UGT1A5: variants seen among roughly 807,000 people sequenced by gnomAD.
The protein encoded by UGT1A5 is UDP glucuronosyltransferase family 1 member A5.
UGT1A5 carries 29 observed loss-of-function variants against 40.3 expected under a neutral mutation model. The ratio of observed to expected loss-of-function variants is 0.72; its 90% CI spans 0.54 to 0.98. The LOEUF is 0.98. Among genes scored for constraint, UGT1A5 ranks in the 50% least tolerant of loss-of-function variants. The pLI is 0.00. For synonymous variants in UGT1A5, 257 were observed against 262.5 expected (o/e 0.98, Z 0.20); for missense variants, 678 against 677.9 (o/e 1.00, Z 0.00).
chr2:233,754,698 G>A (rs1338338783), intron 1 of UGT1A5: 2 of 506,588 alleles, frequency 3.9e-6, no homozygotes, highest in African/African-American at 2.0e-5. Context: ...AGTGGAAGTC[G>A]ACATGGACTT....
At chr2:233,747,348 G>C in intron 1 of UGT1A5, 1 of 1,603,426 alleles carries the variant, frequency 6.2e-7, no homozygotes, top group Admixed American at 1.7e-5. Flanking sequence ...TCGCATGCGG[G>C]AGGCCGTGCG....
chr2:233,742,188 G>A (rs1460351470), intron 1 of UGT1A5, among the ~76,000 whole-genome samples: 8 of 151,916 alleles, frequency 5.3e-5, no homozygotes, highest in Non-Finnish European at 8.8e-5. Context: ...AGTGTGGAGT[G>A]GGAAATCAGG....
intron 1 of UGT1A5, chr2:233,743,656 G>T (rs528527073): frequency 7.3e-7 from 1 of 1,367,266 alleles, no homozygotes; most frequent in Admixed American, 1.9e-5. Flanking sequence ...AGACGTACTC[G>T]AAGGGGTCCT....
chr2:233,765,711 TTAA>T (rs10664358), intron 1 of UGT1A5, among the ~76,000 whole-genome samples: 5,413 of 149,254 alleles, frequency 0.036, 331 homozygotes, highest in African/African-American at 0.13. Context: ...ATAATAATAA[TTAA>T]TAATAATAAT....
intron 1 of UGT1A5, among the ~76,000 whole-genome samples, chr2:233,764,945 G>GA (rs2126013513): frequency 6.6e-6 from 1 of 152,312 alleles, no homozygotes; most frequent in Non-Finnish European, 1.5e-5. Context: ...GAGTGGCGGG[G>GA]AGAGAGGGCT....
At chr2:233,749,829 T>G (rs758485445) in intron 1 of UGT1A5, among the ~76,000 whole-genome samples, 2 of 151,956 alleles carry the variant, frequency 1.3e-5, no homozygotes, top group Non-Finnish European at 2.9e-5. Context: ...CTCTCTTTCA[T>G]GTAAGACGTG....
At chr2:233,758,825 CA>C (rs1386415381) in intron 1 of UGT1A5, among the ~76,000 whole-genome samples, 2 of 152,114 alleles carry the variant, frequency 1.3e-5, no homozygotes, top group Non-Finnish European at 2.9e-5. Flanking sequence ...ATATCCCCCC[CA>C]AAAAGAGTGT....
rs45586035 is a variant in UGT1A5, at chr2:233,729,636, G to GT, written c.867+15786dup. 7.6e-4 allele frequency: 1,222 copies of GT among 1,613,576 alleles called. 6 individuals are homozygous for GT. The African/African-American group carries it at 1.0e-2, about 13-fold the overall frequency. On this transcript the variant is annotated intron_variant, in intron 1 of 4. Coordinates refer to ENST00000373414, the MANE Select transcript of UGT1A5 (RefSeq NM_019078.2). ...CTAAGTACCTGTCGATTCCTACTGT[G>GT]TTTTTTTTGAGGAACATTCCATGTG...
At chr2:233,731,784 G>A (rs186887277) in intron 1 of UGT1A5, among the ~76,000 whole-genome samples, 133 of 152,162 alleles carry the variant, frequency 8.7e-4, no homozygotes, top group Non-Finnish European at 1.4e-3. Flanking sequence ...ATTTATAATC[G>A]TTTGGGTATA....
At chr2:233,725,685 C>T (rs2077466808) in intron 1 of UGT1A5, among the ~76,000 whole-genome samples, 2 of 152,008 alleles carry the variant, frequency 1.3e-5, no homozygotes, top group African/African-American at 4.8e-5. Flanking sequence ...TTCAAGTGCT[C>T]AATAGTCATA....
At chr2:233,714,474 A>G (rs2076389157) in intron 1 of UGT1A5, among the ~76,000 whole-genome samples, 1 of 152,148 alleles carries the variant, frequency 6.6e-6, no homozygotes, top group African/African-American at 2.4e-5. Context: ...GTAATAGGAG[A>G]ATGTTTCTTG....
Position 233,729,749 on chromosome 2 carries a change from T to C in UGT1A5, c.867+15891T>C, listed in dbSNP as rs747302247. On this transcript the variant is annotated intron_variant, in intron 1 of 4. Coordinates refer to ENST00000373414, the MANE Select transcript of UGT1A5 (RefSeq NM_019078.2). ...ACCAATTCAGACCACATGACATTCA[T>C]GCAAAGGGTCAAGAACATGCTCTAC... The C allele has an allele frequency of 6.2e-6, 10 of 1,613,882 alleles. No homozygotes were observed. In the Admixed American group the frequency reaches 8.3e-5, roughly 13 times the overall value.
rs750647558 is a variant in UGT1A5 at position 233,719,225 on chromosome 2, G to A, written c.867+5367G>A. On this transcript the variant is annotated intron_variant, in intron 1 of 4. Coordinates refer to ENST00000373414, the MANE Select transcript of UGT1A5 (RefSeq NM_019078.2). ...GTTGTGTGGAGCTACTGCATAATGA[G>A]GCCCTGATCAGGCACCTGAATGCTA... The A allele has an allele frequency of 4.3e-6, 7 of 1,614,052 alleles. No homozygotes were observed. In the South Asian group the frequency reaches 5.5e-5, roughly 13 times the overall value.
intron 1 of UGT1A5, among the ~76,000 whole-genome samples, chr2:233,736,928 C>T (rs1427688264): frequency 1.3e-5 from 2 of 152,158 alleles, no homozygotes; most frequent in African/African-American, 4.8e-5. Context: ...CAGAGGCGCA[C>T]CCACCTATAT....
At chr2:233,737,218 C>T (rs1437644428) in intron 1 of UGT1A5, among the ~76,000 whole-genome samples, 1 of 152,212 alleles carries the variant, frequency 6.6e-6, no homozygotes, top group African/African-American at 2.4e-5. Context: ...CTGTTCAGTT[C>T]CAGCTTCCTG....
At position 233,767,184 on chromosome 2, in the gene UGT1A5, A is replaced by T. The variant is rs1373599662; in HGVS notation, c.999+19A>T. 3.7e-6 allele frequency: 6 copies of T among 1,613,882 alleles called. No individual in the cohort carries two copies. Among genetic ancestry groups the T allele is most frequent in the Non-Finnish European group, 5.1e-6 (6 of 1,179,970 alleles). ...TCAGACAGTAAGAAGATTCTATACCATGGCCTCATATCTATTTTCACAGGA... is the reference window on the plus strand; with the variant it reads ...TCAGACAGTAAGAAGATTCTATACCTTGGCCTCATATCTATTTTCACAGGA... On this transcript the variant is annotated intron_variant, in intron 2 of 4. Coordinates refer to ENST00000373414, the MANE Select transcript of UGT1A5 (RefSeq NM_019078.2).
At chr2:233,719,157 A>G (rs757422133) in intron 1 of UGT1A5, 8 of 1,614,264 alleles carry the variant, frequency 5.0e-6, no homozygotes, top group Admixed American at 1.7e-5. Flanking sequence ...ATATTCTAGA[A>G]GTATGGCAAT....
At chr2:233,727,509 T>C (rs1200856091) in intron 1 of UGT1A5, among the ~76,000 whole-genome samples, 9 of 152,132 alleles carry the variant, frequency 5.9e-5, no homozygotes, top group Non-Finnish European at 1.3e-4. Context: ...AGCCCATGAA[T>C]GTGGGAAGAG....
At chr2:233,754,618 C>T (rs1695535805) in intron 1 of UGT1A5, 1 of 438,776 alleles carries the variant, frequency 2.3e-6, no homozygotes, top group Admixed American at 2.6e-5. Context: ...CCATCTTCCT[C>T]CACTTCCACC....
Sources: gnomAD v4.1 joint callset for allele counts (sites outside exome capture counted in the v4.1 genomes callset) on GRCh38, gnomAD v4.1.1 for gene constraint, MANE v1.5 for transcripts, NCBI Gene and HGNC (gene_info 2026-07-23, HGNC 2026-07-21) for gene names.